The following IP6K1 variants were observed in gnomAD, a reference collection of about 807,000 sequenced individuals.
IP6K1 encodes the protein ATP:1D-myo-inositol-hexakisphosphate phosphotransferase.
Under a neutral mutation model 38.3 loss-of-function variants are expected in IP6K1, and 13 were observed. The ratio of observed to expected loss-of-function variants is 0.34; its 90% CI spans 0.22 to 0.54. IP6K1 has a LOEUF of 0.54. Ranked by LOEUF, IP6K1 falls within the 20% of genes least tolerant of loss-of-function variation. The pLI, the probability that IP6K1 is intolerant of heterozygous loss-of-function variation, is 0.92. For missense variants in IP6K1, 397 were observed against 599.8 expected, an observed-to-expected ratio of 0.66 and a Z score of 3.53; for synonymous variants, 212 against 229.9, an observed-to-expected ratio of 0.92 and a Z score of 0.70.
intron 1 of IP6K1, among the ~76,000 whole-genome samples, chr3:49,766,958 C>CAAAAAA (rs144308874): frequency 2.3e-4 from 13 of 55,420 alleles, no homozygotes; most frequent in African/African-American, 6.3e-4. Context: ...GACTCCGTCT[C>CAAAAAA]AAAAAAAAAA....
intron 2 of IP6K1, among the ~76,000 whole-genome samples, chr3:49,741,909 C>G (rs917779340): frequency 3.3e-5 from 5 of 152,130 alleles, no homozygotes; most frequent in African/African-American, 1.2e-4. Context: ...TTGGCAGTCT[C>G]TAGCACTGGT....
intron 1 of IP6K1, chr3:49,775,728 G>T (rs2081001578): frequency 5.3e-6 from 2 of 376,292 alleles, no homozygotes; most frequent in African/African-American, 2.1e-5. Flanking sequence ...AGGAGTGCCT[G>T]CTAGTGTCCT....
intron 1 of IP6K1, among the ~76,000 whole-genome samples, chr3:49,776,326 G>C (rs1299643840): frequency 6.6e-6 from 1 of 152,002 alleles, no homozygotes; most frequent in Non-Finnish European, 1.5e-5. Flanking sequence ...AGGCCAGCCT[G>C]GACAACATGG....
chr3:49,738,173 G>T, intron 3 of IP6K1, 39 bp downstream of exon 3: 1 of 1,528,638 alleles, frequency 6.5e-7, no homozygotes, highest in Non-Finnish European at 9.1e-7. Context: ...GAGACGTCTT[G>T]AGTGCTTGTA....
intron 2 of IP6K1, among the ~76,000 whole-genome samples, chr3:49,745,789 G>A (rs2080715465): frequency 6.7e-6 from 1 of 149,408 alleles, no homozygotes; most frequent in South Asian, 2.2e-4. Context: ...CGGAGGTGGA[G>A]ATTGCAGTGA....
chr3:49,739,616 G>A (rs1436378847), intron 2 of IP6K1, among the ~76,000 whole-genome samples: 2 of 152,052 alleles, frequency 1.3e-5, no homozygotes, highest in Non-Finnish European at 2.9e-5. Flanking sequence ...GCCTCCCAAA[G>A]TGCTGGGATT....
intron 1 of IP6K1, among the ~76,000 whole-genome samples, chr3:49,754,282 GGGAGGATGGCTTGAGCCCA>G (rs1255263018): frequency 1.3e-4 from 20 of 152,074 alleles, no homozygotes; most frequent in Admixed American, 1.3e-3. Context: ...AGACTGAGGT[GGGAGGATGGCTTGAGCCCA>G]GGAGGTGGAG....
At chr3:49,763,848 T>G (rs575532197) in intron 1 of IP6K1, among the ~76,000 whole-genome samples, 52 of 152,024 alleles carry the variant, frequency 3.4e-4, no homozygotes, top group Middle Eastern at 3.4e-3. Flanking sequence ...AAACCCCGTC[T>G]CTACTAAAAA....
intron 1 of IP6K1, among the ~76,000 whole-genome samples, chr3:49,779,223 T>A (rs1167094612): frequency 2.0e-5 from 3 of 152,226 alleles, no homozygotes; most frequent in African/African-American, 7.2e-5. Flanking sequence ...AATGGAATCA[T>A]GTAAATGTGA....
At chr3:49,783,837 G>A (rs905642905) in intron 1 of IP6K1, among the ~76,000 whole-genome samples, 1 of 151,614 alleles carries the variant, frequency 6.6e-6, no homozygotes, top group South Asian at 2.1e-4. Flanking sequence ...TGGCCCTGAA[G>A]GACAATGAAA....
chr3:49,782,741 T>G (rs1313231795), intron 1 of IP6K1, among the ~76,000 whole-genome samples: 3 of 147,028 alleles, frequency 2.0e-5, no homozygotes, highest in Non-Finnish European at 3.0e-5. Flanking sequence ...AGCCCAGGAG[T>G]TGGAGGCTGC....
intron 3 of IP6K1, among the ~76,000 whole-genome samples, chr3:49,734,326 G>A (rs1039168167): frequency 1.3e-5 from 2 of 150,950 alleles, no homozygotes; most frequent in African/African-American, 4.9e-5. Flanking sequence ...TACTGGTGAA[G>A]CCATGTGCCC....
Position 49,727,398 on chromosome 3 carries a change from C to G in IP6K1, c.1050G>C (p.Leu350=). The G allele has an allele frequency of 1.9e-6, 3 of 1,614,036 alleles. No homozygotes were observed. The highest frequency in any genetic ancestry group is 2.5e-6 in the Non-Finnish European group (3 of 1,180,030). Residue 350 remains leucine, a synonymous_variant, in exon 6 of 6, where the codon CTG becomes CTC. Transcript: ENST00000321599. The surrounding 1 kb of genome is among the most constrained non-coding windows in gnomAD (Gnocchi z 5.9). ...DGKECRAESC[L]DRRSEMRLKH... is the part of the protein sequence containing the mutation. Reference sequence around the variant, plus strand: ...TGAGACGCATCTCAGACCGGCGGTCCAGGCAGGACTCAGCCCGGCACTCCT... The same window carrying G: ...TGAGACGCATCTCAGACCGGCGGTCGAGGCAGGACTCAGCCCGGCACTCCT...
chr3:49,727,022 A>C lies in IP6K1; in HGVS notation c.*100T>G, dbSNP rs201904702. 1 of 1,161,728 alleles carries C rather than the reference A, an allele frequency of 8.6e-7. No homozygotes were observed. The highest frequency in any genetic ancestry group is 2.4e-5 in the East Asian group (1 of 42,188). 72.0% of individuals were successfully genotyped at this position (1,161,728 alleles called of 1,614,324 possible). A position where few individuals can be genotyped will look rare whatever the true frequency, so the allele number is the denominator to read the frequency against. ...TTTAGTTTACACCAAAGAGAAATATAACCCTTTAAAAGCAAGTCTGTGTGT... is the reference window on the plus strand; with the variant it reads ...TTTAGTTTACACCAAAGAGAAATATCACCCTTTAAAAGCAAGTCTGTGTGT... On this transcript the variant is annotated 3_prime_UTR_variant, in exon 6 of 6. Transcript: ENST00000321599. This position sits in a 1 kb window ranked among gnomAD's most constrained non-coding sequence, Gnocchi z 5.9.
chr3:49,767,925 T>C (rs2080925947), intron 1 of IP6K1, among the ~76,000 whole-genome samples: 1 of 151,986 alleles, frequency 6.6e-6, no homozygotes, highest in African/African-American at 2.4e-5. Context: ...GACATTTCTC[T>C]GAAGATTTAC....
chr3:49,765,887 A>C (rs1210989716), intron 1 of IP6K1, among the ~76,000 whole-genome samples: 2 of 150,920 alleles, frequency 1.3e-5, no homozygotes, highest in African/African-American at 2.4e-5. Flanking sequence ...TAAAAAAAAA[A>C]CACACAAAGC....
chr3:49,752,645 C>T (rs1575315887), intron 1 of IP6K1, among the ~76,000 whole-genome samples: 2 of 152,058 alleles, frequency 1.3e-5, no homozygotes, highest in South Asian at 2.1e-4. Context: ...ACCGTAGAGA[C>T]GGGGTTTCTC....
At chr3:49,747,240 C>G (rs1005226393) in intron 2 of IP6K1, among the ~76,000 whole-genome samples, 1 of 152,066 alleles carries the variant, frequency 6.6e-6, no homozygotes, top group African/African-American at 2.4e-5. Context: ...TTTATAAACA[C>G]TGACAAAGAT....
intron 1 of IP6K1, among the ~76,000 whole-genome samples, chr3:49,777,710 C>T (rs1251994236): frequency 6.6e-6 from 1 of 151,272 alleles, no homozygotes; most frequent in Non-Finnish European, 1.5e-5. Flanking sequence ...GTCAGGAGAT[C>T]GAGACCATCC....
Sources: allele counts gnomAD v4.1 joint callset (sites outside exome capture counted in the v4.1 genomes callset), GRCh38; gene constraint gnomAD v4.1.1; non-coding constraint Gnocchi (gnomAD v3.1); transcripts MANE v1.5; gene names NCBI Gene and HGNC (gene_info 2026-07-23, HGNC 2026-07-21).